Variants in PCDHGA12 observed in about 807,000 individuals in gnomAD.
PCDHGA12 encodes the protein protocadherin gamma-A12.
In PCDHGA12, 43 loss-of-function variants were observed where a neutral mutation model predicts 61.1. The observed-to-expected ratio is 0.70, with a 90% CI of 0.55 to 0.91. The LOEUF (loss-of-function observed/expected upper bound fraction) is 0.91, where lower values mean the gene tolerates loss of function less well. PCDHGA12 is among the 40% of genes least tolerant of loss of function. PCDHGA12 has a pLI of 0.00. For missense variants in PCDHGA12, 1,236 were observed against 1,227.7 expected, an observed-to-expected ratio of 1.01 and a Z score of -0.10; for synonymous variants, 520 against 542.9, an observed-to-expected ratio of 0.96 and a Z score of 0.59.
At chr5:141,465,889 G>A (rs956310325) in intron 1 of PCDHGA12, among the ~76,000 whole-genome samples, 4 of 152,056 alleles carry the variant, frequency 2.6e-5, no homozygotes, top group Admixed American at 6.5e-5. Context: ...TTGGGAGGCC[G>A]AGGCGGGCAA....
chr5:141,438,037 G>A (rs2097925203), intron 1 of PCDHGA12, among the ~76,000 whole-genome samples: 1 of 151,910 alleles, frequency 6.6e-6, no homozygotes, highest in African/African-American at 2.4e-5. Flanking sequence ...CACCATGCCC[G>A]ACCACTTTGA....
chr5:141,491,980 C>T lies in PCDHGA12; in HGVS notation c.2425-2827C>T. ...AAAAAAGGCCGGGGCCTCCTTCGAG[C>T]TTCCGGTGAATTTCGGGCGATTTCC... On this transcript the variant is annotated intron_variant, in intron 1 of 3. Transcript: ENST00000252085. The surrounding 1 kb of genome is among the most constrained non-coding windows in gnomAD (Gnocchi z 6.9). The T allele has an allele frequency of 2.5e-6, 2 of 784,432 alleles. No individual in the cohort carries two copies. The highest frequency in any genetic ancestry group is 3.8e-6 in the Non-Finnish European group (2 of 530,588). 48.6% of individuals were successfully genotyped at this position (784,432 alleles called of 1,614,324 possible). A position where few individuals can be genotyped will look rare whatever the true frequency, so the allele number is the denominator to read the frequency against.
rs1301787934 is a variant in PCDHGA12 at position 141,476,164 on chromosome 5, A to G, written c.2425-18643A>G. Reference sequence around the variant, plus strand: ...GCGGACTGGTAAGCACCGGGAGGGTAGTGGGAGTTTTGCTTCTGCTTGGTG... The same window carrying G: ...GCGGACTGGTAAGCACCGGGAGGGTGGTGGGAGTTTTGCTTCTGCTTGGTG... On this transcript the variant is annotated intron_variant, in intron 1 of 3. Transcript: ENST00000252085. This position sits in a 1 kb window ranked among gnomAD's most constrained non-coding sequence, Gnocchi z 7.6. 6.2e-7 allele frequency: 1 copy of G among 1,613,116 alleles called. No individual in the cohort carries two copies.
At position 141,489,760 on chromosome 5, in the gene PCDHGA12, C is replaced by A; in HGVS notation, c.2425-5047C>A. 1 of 1,614,086 alleles carries A rather than the reference C, an allele frequency of 6.2e-7. No individual in the cohort carries two copies. Among genetic ancestry groups the A allele is most frequent in the Non-Finnish European group, 8.5e-7 (1 of 1,179,970 alleles). On this transcript the variant is annotated intron_variant, in intron 1 of 3. Coordinates refer to ENST00000252085, the MANE Select transcript of PCDHGA12 (RefSeq NM_003735.3). This position sits in a 1 kb window ranked among gnomAD's most constrained non-coding sequence, Gnocchi z 4.5. ...TACTGTGAGCTTTTACACTCTAAGC[C>A]CCAACAGCCACTTCTCTCTGAATGT...
At position 141,487,791 on chromosome 5, in the gene PCDHGA12, C is replaced by T; in HGVS notation, c.2425-7016C>T. ...CTTTGTAACTGTTTCGTGAATTAAC[C>T]AGAGTTGTCACAGTTTAGCATTGGG... On this transcript the variant is annotated intron_variant, in intron 1 of 3. Coordinates refer to ENST00000252085, the MANE Select transcript of PCDHGA12 (RefSeq NM_003735.3). This position sits in a 1 kb window ranked among gnomAD's most constrained non-coding sequence, Gnocchi z 5.0. 6.6e-7 allele frequency: 1 copy of T among 1,510,152 alleles called. No individual in the cohort carries two copies. The highest frequency in any genetic ancestry group is 1.4e-5 in the African/African-American group (1 of 72,206). The allele number at this position is 1,510,152 out of a possible 1,614,324, so 93.5% of individuals were successfully genotyped here. A position where few individuals can be genotyped will look rare whatever the true frequency, so the allele number is the denominator to read the frequency against.
intron 1 of PCDHGA12, among the ~76,000 whole-genome samples, chr5:141,462,493 A>G (rs1432919197): frequency 2.0e-5 from 3 of 152,144 alleles, no homozygotes; most frequent in South Asian, 4.1e-4. Context: ...GTTGTATCCT[A>G]TAATTGTCAA....
intron 1 of PCDHGA12, chr5:141,478,798 T>G: frequency 6.8e-7 from 1 of 1,463,780 alleles, no homozygotes. Flanking sequence ...TCCTCAGCAC[T>G]CTTTTGCTAT....
chr5:141,503,392 C>T lies in PCDHGA12; in HGVS notation c.2484-2001C>T, dbSNP rs554732406. 1.2e-4 allele frequency among the ~76,000 whole-genome samples: 18 copies of T among 151,870 alleles called. No individual in the cohort carries two copies. The South Asian group carries it at 3.5e-3, about 30-fold the overall frequency. On this transcript the variant is annotated intron_variant, in intron 2 of 3. Transcript: ENST00000252085. ...CAGGTGGATCATGAGGTCAGGAGTT[C>T]GAAACCAACCTGGCCAATATGGTGA...
intron 1 of PCDHGA12, among the ~76,000 whole-genome samples, chr5:141,481,478 T>C (rs2099538352): frequency 6.6e-6 from 1 of 152,232 alleles, no homozygotes; most frequent in African/African-American, 2.4e-5. Context: ...GATTATACAC[T>C]TTAAATATGT....
rs990086941 is a variant in PCDHGA12 at position 141,430,680 on chromosome 5, C to T, written c.-80C>T. On this transcript the variant is annotated 5_prime_UTR_variant, in exon 1 of 4. Coordinates refer to ENST00000252085, the MANE Select transcript of PCDHGA12 (RefSeq NM_003735.3). ...GGAGGAGCTCTGACTTCCCAACTGT[C>T]CCATTCTATGGGCGAAGGAACTGCT... 1 of 1,343,242 alleles carries T rather than the reference C, an allele frequency of 7.4e-7. No individual in the cohort carries two copies. The highest frequency in any genetic ancestry group is 1.0e-6 in the Non-Finnish European group (1 of 1,001,958). The allele number at this position is 1,343,242 out of a possible 1,614,324, so 83.2% of individuals were successfully genotyped here.
chr5:141,474,900 T>C (rs577411783), intron 1 of PCDHGA12, among the ~76,000 whole-genome samples: 2 of 152,368 alleles, frequency 1.3e-5, no homozygotes, highest in South Asian at 2.1e-4. Flanking sequence ...TCATTTCTTG[T>C]TCAAGGATAT....
At position 141,431,851 on chromosome 5, in the gene PCDHGA12, A is replaced by G. The variant is rs2097423722; in HGVS notation, c.1092A>G (p.Thr364=). 1 of 1,614,264 alleles carries G rather than the reference A, an allele frequency of 6.2e-7. No individual in the cohort carries two copies. The highest frequency in any genetic ancestry group is 1.1e-5 in the South Asian group (1 of 91,088). ...SSVPENSPRG[T]LIALLNVNDQ... ...TTCCCGAAAACTCTCCCAGAGGGAC[A>G]TTAATTGCCCTTTTAAATGTAAATG... The change falls in exon 1 of 4, where the codon ACA becomes ACG. Residue 364 remains threonine (T), a synonymous_variant. Coordinates refer to ENST00000252085, the MANE Select transcript of PCDHGA12 (RefSeq NM_003735.3). This position sits in a 1 kb window ranked among gnomAD's most constrained non-coding sequence, Gnocchi z 4.8.
chr5:141,500,870 A>C (rs2099803097), intron 2 of PCDHGA12, among the ~76,000 whole-genome samples: 1 of 139,794 alleles, frequency 7.2e-6, no homozygotes, highest in African/African-American at 2.8e-5. Context: ...ATACACATTC[A>C]TTTACAATTT....
chr5:141,434,481 A>G (rs2097697198), intron 1 of PCDHGA12, among the ~76,000 whole-genome samples: 1 of 152,246 alleles, frequency 6.6e-6, no homozygotes, highest in Non-Finnish European at 1.5e-5. Context: ...GGCAAGGAAC[A>G]CCTGGCCCGC....
Position 141,432,488 on chromosome 5 carries a change from C to G in PCDHGA12, c.1729C>G (p.Leu577Val). 6.2e-7 allele frequency: 1 copy of G among 1,614,202 alleles called. No homozygotes were observed. Among genetic ancestry groups the G allele is most frequent in the Non-Finnish European group, 8.5e-7 (1 of 1,180,048 alleles). The change falls in exon 1 of 4, where the codon CTG becomes GTG. Residue 577 changes from leucine to valine, a missense_variant. Leu to Val is a conservative substitution (Grantham distance 32, BLOSUM62 1). Coordinates refer to ENST00000252085, the MANE Select transcript of PCDHGA12 (RefSeq NM_003735.3). This position sits in a 1 kb window ranked among gnomAD's most constrained non-coding sequence, Gnocchi z 6.0. ...CACGGACGGTTCCACTGGCGTGGAGCTGGCTCCCCGCTCCGCAGAGCCCGG... is the reference window on the plus strand; with the variant it reads ...CACGGACGGTTCCACTGGCGTGGAGGTGGCTCCCCGCTCCGCAGAGCCCGG... Reference protein sequence around the residue: ...LPTDGSTGVELAPRSAEPGYL... With the variant: ...LPTDGSTGVEVAPRSAEPGYL...
In PCDHGA12 at chr5:141,476,948, G is replaced by T; in HGVS notation, c.2425-17859G>T. 6.2e-7 allele frequency: 1 copy of T among 1,614,180 alleles called. No individual in the cohort carries two copies. On this transcript the variant is annotated intron_variant, in intron 1 of 3. Transcript: ENST00000252085. The surrounding 1 kb of genome is among the most constrained non-coding windows in gnomAD (Gnocchi z 7.6). ...GGATCTGGATGAAGGCCCCAACGGTGAAATTATTTACTCCTTCGGCAGCCA... is the reference window on the plus strand; with the variant it reads ...GGATCTGGATGAAGGCCCCAACGGTTAAATTATTTACTCCTTCGGCAGCCA...
At chr5:141,510,906 C>G in intron 3 of PCDHGA12, 41 bp from the exon 4 acceptor site, 1 of 1,613,582 alleles carries the variant, frequency 6.2e-7, no homozygotes, top group Non-Finnish European at 8.5e-7. Context: ...TGTTGAGGAC[C>G]CTAAGTTTAG....
rs753256077 is a variant in PCDHGA12 at position 141,431,467 on chromosome 5, C to A, written c.708C>A (p.Asn236Lys). Residue 236 changes from asparagine (N) to lysine (K), a missense_variant, in exon 1 of 4, where the codon AAC (asparagine) becomes AAA (lysine). Coordinates refer to ENST00000252085, the MANE Select transcript of PCDHGA12 (RefSeq NM_003735.3). The surrounding 1 kb of genome is among the most constrained non-coding windows in gnomAD (Gnocchi z 4.8). The stretch of plus-strand genomic sequence containing the variant: ...TCCGCGTGATGGTTCTGGATGCGAA[C>A]GACAACGCACCAGCGTTTGCTCAGC... The part of the protein sequence containing the change: ...ARIRVMVLDA[N>K]DNAPAFAQPE... 1.9e-5 allele frequency: 31 copies of A among 1,613,684 alleles called. No homozygotes were observed. The highest frequency in any genetic ancestry group is 3.4e-6 in the Non-Finnish European group (4 of 1,179,964).
At position 141,486,646 on chromosome 5, in the gene PCDHGA12, C is replaced by T; in HGVS notation, c.2425-8161C>T. On this transcript the variant is annotated intron_variant, in intron 1 of 3. Transcript: ENST00000252085. The surrounding 1 kb of genome is among the most constrained non-coding windows in gnomAD (Gnocchi z 5.0). ...ACTCTGGCTTGAATGCGCTTATCTC[C>T]TACTCACTCCTGGAGCCCAGGAATC... is the stretch of plus-strand genomic sequence containing the variant. 4.3e-6 allele frequency: 7 copies of T among 1,613,916 alleles called. No individual in the cohort carries two copies. Among genetic ancestry groups the T allele is most frequent in the African/African-American group, 1.3e-5 (1 of 75,058 alleles).
Sources: allele counts gnomAD v4.1 joint callset (sites outside exome capture counted in the v4.1 genomes callset), GRCh38; gene constraint gnomAD v4.1.1; non-coding constraint Gnocchi (gnomAD v3.1); transcripts MANE v1.5; gene names NCBI Gene and HGNC (gene_info 2026-07-23, HGNC 2026-07-21).